Variants in SORCS2 observed in about 807,000 individuals in gnomAD.
SORCS2 encodes VPS10 domain-containing receptor SorCS2.
SORCS2 carries 100 observed loss-of-function variants against 141.6 expected under a neutral mutation model. That is an observed-to-expected ratio of 0.71 (90% confidence interval 0.60 to 0.83). The LOEUF (loss-of-function observed/expected upper bound fraction) is 0.83. Among genes scored for constraint, SORCS2 ranks in the 40% least tolerant of loss-of-function variants. The pLI is 0.00. For missense variants in SORCS2, 1,646 were observed against 1,560.2 expected (o/e 1.05, Z -0.93); for synonymous variants, 789 against 676.9 (o/e 1.17, Z -2.57).
At chr4:7,530,102 G>A (rs1413351483) in intron 2 of SORCS2, among the ~76,000 whole-genome samples, 2 of 152,216 alleles carry the variant, frequency 1.3e-5, no homozygotes, top group African/African-American at 4.8e-5. Context: ...GGAGCCTCAG[G>A]TTCACTTGAA....
chr4:7,206,493 A>AGCCGG (rs1324919025), intron 1 of SORCS2, among the ~76,000 whole-genome samples: 2 of 152,184 alleles, frequency 1.3e-5, no homozygotes, highest in Non-Finnish European at 2.9e-5. Context: ...CGGCTCCACG[A>AGCCGG]GTAACCTGGG....
chr4:7,676,799 TTCTGTCTCTC>T (rs1308083914), intron 9 of SORCS2, among the ~76,000 whole-genome samples: 5 of 32,256 alleles, frequency 1.6e-4, no homozygotes, highest in African/African-American at 4.0e-4. Flanking sequence ...AAGTCTGCCT[TTCTGTCTCTC>T]TCTCTCTCTC....
chr4:7,530,004 G>A (rs1287525147), intron 2 of SORCS2, among the ~76,000 whole-genome samples: 2 of 152,164 alleles, frequency 1.3e-5, no homozygotes, highest in Non-Finnish European at 1.5e-5. Flanking sequence ...GAAACCTTGT[G>A]ACCCTGAGGA....
At chr4:7,253,631 G>A (rs1184790531) in intron 1 of SORCS2, among the ~76,000 whole-genome samples, 2 of 152,180 alleles carry the variant, frequency 1.3e-5, no homozygotes, top group East Asian at 3.9e-4. Flanking sequence ...GGATTCAGGG[G>A]CCCACAGGGT....
At chr4:7,490,491 C>A (rs1161878281) in intron 2 of SORCS2, among the ~76,000 whole-genome samples, 1 of 148,744 alleles carries the variant, frequency 6.7e-6, no homozygotes, top group Non-Finnish European at 1.5e-5. Flanking sequence ...AGGGACCATG[C>A]TAGCACCCCA....
At chr4:7,562,282 G>A (rs951511098) in intron 3 of SORCS2, among the ~76,000 whole-genome samples, 1 of 152,114 alleles carries the variant, frequency 6.6e-6, no homozygotes, top group Non-Finnish European at 1.5e-5. Context: ...CCCTGAGGAA[G>A]TGGTGCATGA....
chr4:7,557,450 G>A (rs554733838), intron 3 of SORCS2, among the ~76,000 whole-genome samples: 1 of 152,326 alleles, frequency 6.6e-6, no homozygotes, highest in South Asian at 2.1e-4. Flanking sequence ...GAAGATGATT[G>A]TGTGCTTTAT....
intron 1 of SORCS2, among the ~76,000 whole-genome samples, chr4:7,252,713 G>A (rs1272256244): frequency 6.6e-6 from 1 of 152,120 alleles, no homozygotes; most frequent in African/African-American, 2.4e-5. Flanking sequence ...CATTGTGCCG[G>A]TCTGACAGGC....
chr4:7,302,735 G>C (rs950935376), intron 1 of SORCS2, among the ~76,000 whole-genome samples: 3 of 149,744 alleles, frequency 2.0e-5, no homozygotes, highest in African/African-American at 7.4e-5. Flanking sequence ...CCAGCTTTGA[G>C]AGCAGTGTCC....
At chr4:7,362,051 G>A (rs1053417472) in intron 1 of SORCS2, among the ~76,000 whole-genome samples, 1 of 152,172 alleles carries the variant, frequency 6.6e-6, no homozygotes, top group Non-Finnish European at 1.5e-5. Flanking sequence ...TCCAGGAAGC[G>A]TGGATTTGTC....
intron 2 of SORCS2, among the ~76,000 whole-genome samples, chr4:7,527,410 C>T (rs1462360846): frequency 1.3e-5 from 2 of 152,200 alleles, no homozygotes; most frequent in East Asian, 1.9e-4. Context: ...TGGTAGTCGG[C>T]GCTGTGACGG....
chr4:7,310,336 A>G (rs934216610), intron 1 of SORCS2: 2 of 154,226 alleles, frequency 1.3e-5, no homozygotes, highest in African/African-American at 4.8e-5. Flanking sequence ...CACAGCCTTG[A>G]ATGCGGGGAG....
intron 2 of SORCS2, among the ~76,000 whole-genome samples, chr4:7,529,834 C>G (rs1733915731): frequency 6.6e-6 from 1 of 152,220 alleles, no homozygotes; most frequent in Non-Finnish European, 1.5e-5. Flanking sequence ...TATACCTCCA[C>G]TGGGCTTCTT....
At chr4:7,208,739 C>T (rs749766592) in intron 1 of SORCS2, among the ~76,000 whole-genome samples, 16 of 152,208 alleles carry the variant, frequency 1.1e-4, no homozygotes, top group African/African-American at 3.4e-4. Flanking sequence ...GTCTCCTGCT[C>T]ACCAGGCACC....
chr4:7,230,468 C>T (rs1422635527), intron 1 of SORCS2, among the ~76,000 whole-genome samples: 11 of 137,944 alleles, frequency 8.0e-5, no homozygotes, highest in Non-Finnish European at 1.4e-4. Context: ...GTCAAGTCTT[C>T]GAGTCTCTGG....
At chr4:7,714,040 G>A (rs1726017353) in intron 15 of SORCS2, among the ~76,000 whole-genome samples, 200 bp from the exon 16 acceptor site, 1 of 152,220 alleles carries the variant, frequency 6.6e-6, no homozygotes, top group Non-Finnish European at 1.5e-5. Flanking sequence ...GGGGCTCAGT[G>A]AATGCCCATG....
chr4:7,670,825 G>T (rs1197615585), intron 8 of SORCS2, among the ~76,000 whole-genome samples: 1 of 152,146 alleles, frequency 6.6e-6, no homozygotes, highest in African/African-American at 2.4e-5. Context: ...AGGGTGCAGG[G>T]GTGCCATAAG....
At chr4:7,696,452 G>A (rs192075633) in intron 11 of SORCS2, among the ~76,000 whole-genome samples, 379 of 152,288 alleles carry the variant, frequency 2.5e-3, no homozygotes, top group Non-Finnish European at 4.1e-3. Flanking sequence ...TGTTATGCAC[G>A]GCCGTTGTTC....
chr4:7,533,928 G>T (rs1238298611), intron 3 of SORCS2, among the ~76,000 whole-genome samples: 2 of 152,214 alleles, frequency 1.3e-5, no homozygotes, highest in African/African-American at 4.8e-5. Flanking sequence ...GCCAAAGGCT[G>T]GGGCTGCGAT....
Sources: allele counts gnomAD v4.1 joint callset (sites outside exome capture counted in the v4.1 genomes callset), GRCh38; gene constraint gnomAD v4.1.1; transcripts MANE v1.5; gene names NCBI Gene and HGNC (gene_info 2026-07-23, HGNC 2026-07-21).